The following UBOX5 variants were observed in gnomAD, a reference collection of about 807,000 sequenced individuals.
The protein encoded by UBOX5 is U-box domain containing 5, also known as RING finger protein 37.
Under a neutral mutation model 39.0 loss-of-function variants are expected in UBOX5, and 28 were observed. That is an observed-to-expected ratio of 0.72 (90% CI 0.53 to 0.98). The LOEUF (loss-of-function observed/expected upper bound fraction) is 0.98, where lower values mean the gene tolerates loss of function less well. UBOX5 is among the 50% of genes least tolerant of loss of function. UBOX5 has a pLI of 0.00. For synonymous variants in UBOX5, 283 were observed against 275.5 expected (o/e 1.03, Z -0.27); for missense variants, 585 against 674.4 (o/e 0.87, Z 1.47).
chr20:3,109,546 TG>T lies in UBOX5; in HGVS notation c.*559del, dbSNP rs2066236623. The T allele has an allele frequency of 6.1e-6, 1 of 162,788 alleles. No homozygotes were observed. The highest frequency in any genetic ancestry group is 2.4e-5 in the African/African-American group (1 of 41,624). 10.1% of individuals were successfully genotyped at this position (162,788 alleles called of 1,614,324 possible). A position where few individuals can be genotyped will look rare whatever the true frequency, so the allele number is the denominator to read the frequency against. ...AGCTACCCTGTGAGCTCCACTTGTG[TG>T]GGTGCAGGTGGGCGACAGGAGTGTG... On this transcript the variant is annotated 3_prime_UTR_variant, in exon 5 of 5. Transcript: ENST00000217173.
intron 1 of UBOX5, among the ~76,000 whole-genome samples, chr20:3,138,195 C>T (rs2066487631): frequency 1.3e-5 from 2 of 151,712 alleles, no homozygotes; most frequent in African/African-American, 4.8e-5. Context: ...ATGGCTTGAA[C>T]CTGGGAGGCG....
chr20:3,110,340 C>CCAGG, intron 4 of UBOX5, 26 bp from the exon 5 acceptor site: 1 of 1,613,044 alleles, frequency 6.2e-7, no homozygotes, highest in Non-Finnish European at 8.5e-7. Context: ...GGAAAACAGG[C>CCAGG]CAGGGTTAGG....
At position 3,109,563 on chromosome 20, in the gene UBOX5, CAGGA is replaced by C; in HGVS notation, c.*539_*542del. ...CACTTGTGTGGGTGCAGGTGGGCGACAGGAGTGTGTGACACAGACAGGCACTCCA... is the reference window on the plus strand; with the variant it reads ...CACTTGTGTGGGTGCAGGTGGGCGACGTGTGTGACACAGACAGGCACTCCA... On this transcript the variant is annotated 3_prime_UTR_variant, in exon 5 of 5. Transcript: ENST00000217173. The C allele has an allele frequency of 1.1e-4, 19 of 167,248 alleles. No homozygotes were observed. The highest frequency in any genetic ancestry group is 1.1e-3 in the South Asian group (7 of 6,472). The allele number at this position is 167,248 out of a possible 1,614,324, so 10.4% of individuals were successfully genotyped here.
At chr20:3,137,558 C>T (rs570124072) in intron 1 of UBOX5, among the ~76,000 whole-genome samples, 3 of 152,288 alleles carry the variant, frequency 2.0e-5, no homozygotes, top group African/African-American at 4.8e-5. Context: ...TGTGAGCCAC[C>T]GTGCCTGGCT....
At position 3,148,388 on chromosome 20, in the gene UBOX5, T is replaced by C. The variant is rs139561064; in HGVS notation, c.-42+11378A>G. On this transcript the variant is annotated intron_variant, in intron 1 of 4. Transcript: ENST00000217173. ...TACCTGATGGCAACACTTGGTCTCA[T>C]ACACATCTAGCATTGAATGGGAGTG... 2.6e-4 allele frequency: 413 copies of C among 1,614,062 alleles called. No individual in the cohort carries two copies. Among genetic ancestry groups the C allele is most frequent in the Non-Finnish European group, 3.1e-4 (367 of 1,180,032 alleles).
chr20:3,139,788 C>A (rs2066500869), intron 1 of UBOX5, among the ~76,000 whole-genome samples: 1 of 151,822 alleles, frequency 6.6e-6, no homozygotes, highest in Admixed American at 6.6e-5. Flanking sequence ...TGGCTCACTG[C>A]AACCTCCGTC....
intron 4 of UBOX5, chr20:3,110,611 G>T: frequency 2.3e-6 from 1 of 438,716 alleles, no homozygotes; most frequent in South Asian, 2.3e-5. Flanking sequence ...TCCCAGCAAG[G>T]TTTACTTTCC....
intron 4 of UBOX5, among the ~76,000 whole-genome samples, chr20:3,113,005 G>A (rs1471000808): frequency 6.6e-6 from 1 of 151,042 alleles, no homozygotes; most frequent in African/African-American, 2.4e-5. Flanking sequence ...TGGGTGCAGA[G>A]GCTCACACCT....
intron 1 of UBOX5, among the ~76,000 whole-genome samples, chr20:3,158,504 CGCTCTCTCGCCCAGGCTGGAGTGCAG>C (rs550018573): frequency 4.6e-4 from 70 of 152,268 alleles, no homozygotes; most frequent in African/African-American, 1.7e-3. Flanking sequence ...GACGGACTCT[CGCTCTCTCGCCCAGGCTGGAGTGCAG>C]TGGCGCGATC....
intron 1 of UBOX5, among the ~76,000 whole-genome samples, chr20:3,146,343 AAAAC>A (rs1166343910): frequency 1.4e-5 from 2 of 141,344 alleles, no homozygotes; most frequent in Non-Finnish European, 1.5e-5. Flanking sequence ...TCCATCTCAA[AAAAC>A]AAACAAAAAA....
rs1008212334 is a variant in UBOX5 at position 3,154,712 on chromosome 20, T to A, written c.-42+5054A>T. Among the ~76,000 whole-genome samples the A allele has an allele frequency of 4.6e-5, 7 of 152,142 alleles. No individual in the cohort carries two copies. In the East Asian group the frequency reaches 1.3e-3, roughly 29 times the overall value. On this transcript the variant is annotated intron_variant, in intron 1 of 4. Coordinates refer to ENST00000217173, the MANE Select transcript of UBOX5 (RefSeq NM_014948.4). ...ATAAATAAAAAGAGTAAAGAAAATATTAGTATATCATACTCCCTATTCAGT... is the reference window on the plus strand; with the variant it reads ...ATAAATAAAAAGAGTAAAGAAAATAATAGTATATCATACTCCCTATTCAGT...
rs1443362389 is a variant in UBOX5 at position 3,110,253 on chromosome 20, G to A, written c.1479C>T (p.Tyr493=). The change falls in exon 5 of 5, where the codon TAC becomes TAT. Residue 493 remains tyrosine (Y), a synonymous_variant. Transcript: ENST00000217173. ...CASCKRVFSP[Y]FKKEPVYQLP... ...GCTGGTACACCGGCTCCTTTTTGAAGTAGGGAGAAAATACTCTTTTGCAGG... is the reference window on the plus strand; with the variant it reads ...GCTGGTACACCGGCTCCTTTTTGAAATAGGGAGAAAATACTCTTTTGCAGG... 1.7e-5 allele frequency: 28 copies of A among 1,614,182 alleles called. No individual in the cohort carries two copies. Among genetic ancestry groups the A allele is most frequent in the Non-Finnish European group, 2.2e-5 (26 of 1,180,042 alleles).
chr20:3,141,131 C>G (rs1433893234), intron 1 of UBOX5, among the ~76,000 whole-genome samples: 2 of 151,506 alleles, frequency 1.3e-5, no homozygotes, highest in Non-Finnish European at 2.9e-5. Flanking sequence ...GTTGGACAGG[C>G]TAGTCTTGAA....
At chr20:3,146,683 G>A (rs768559561) in intron 1 of UBOX5, 43 of 1,449,376 alleles carry the variant, frequency 3.0e-5, no homozygotes, top group Middle Eastern at 2.2e-4. Flanking sequence ...CTATTTTATC[G>A]CCAAACTTAC....
At chr20:3,147,725 T>C in intron 1 of UBOX5, 1 of 1,614,206 alleles carries the variant, frequency 6.2e-7, no homozygotes, top group Non-Finnish European at 8.5e-7. Flanking sequence ...GGAGTAAAAT[T>C]CTTCTGCATT....
At chr20:3,112,059 C>T (rs977684770) in intron 4 of UBOX5, among the ~76,000 whole-genome samples, 3 of 150,576 alleles carry the variant, frequency 2.0e-5, no homozygotes, top group South Asian at 2.1e-4. Flanking sequence ...ATAAAAGTAC[C>T]GGGTGCCTCT....
intron 1 of UBOX5, among the ~76,000 whole-genome samples, chr20:3,151,451 C>G (rs1354181997): frequency 6.6e-6 from 1 of 152,118 alleles, no homozygotes; most frequent in African/African-American, 2.4e-5. Context: ...CATAAAAAGT[C>G]TGCTGATCTC....
chr20:3,121,156 G>A (rs1046800868), intron 3 of UBOX5, among the ~76,000 whole-genome samples: 3 of 152,154 alleles, frequency 2.0e-5, no homozygotes, highest in Non-Finnish European at 2.9e-5. Context: ...CTGAAGCCTC[G>A]GAACAGATGA....
At chr20:3,148,294 A>C in intron 1 of UBOX5, 1 of 1,613,092 alleles carries the variant, frequency 6.2e-7, no homozygotes, top group Non-Finnish European at 8.5e-7. Flanking sequence ...TTAAAAACCT[A>C]GGTACTTTGC....
Sources: gnomAD v4.1 joint callset for allele counts (sites outside exome capture counted in the v4.1 genomes callset) on GRCh38, gnomAD v4.1.1 for gene constraint, MANE v1.5 for transcripts, NCBI Gene and HGNC (gene_info 2026-07-23, HGNC 2026-07-21) for gene names.